Variants in NRG1 observed in about 807,000 individuals in gnomAD.
NRG1 encodes pro-neuregulin-1, membrane-bound isoform.
Under a neutral mutation model 63.8 loss-of-function variants are expected in NRG1, and 18 were observed. That is an observed-to-expected ratio of 0.28 (90% CI 0.19 to 0.42). The LOEUF (loss-of-function observed/expected upper bound fraction) is 0.42. NRG1 is among the 10% of genes least tolerant of loss of function. The pLI is 1.00. For missense variants in NRG1, 762 were observed against 814.7 expected (o/e 0.94, Z 0.79); for synonymous variants, 302 against 301.3 (o/e 1.00, Z -0.02).
chr8:32,692,108 G>A (rs1811891741), intron 5 of NRG1, among the ~76,000 whole-genome samples: 1 of 152,130 alleles, frequency 6.6e-6, no homozygotes, highest in South Asian at 2.1e-4. Flanking sequence ...TATGCATAAT[G>A]ACTTGAAGTA....
intron 1 of NRG1, among the ~76,000 whole-genome samples, chr8:32,036,677 G>T (rs1819119865): frequency 6.6e-6 from 1 of 152,104 alleles, no homozygotes; most frequent in South Asian, 2.1e-4. Context: ...ATTTCGGCAA[G>T]ATAGTCTTCA....
intron 1 of NRG1, among the ~76,000 whole-genome samples, chr8:32,042,549 G>A (rs1047920616): frequency 6.6e-6 from 1 of 152,052 alleles, no homozygotes; most frequent in African/African-American, 2.4e-5. Flanking sequence ...ATTTCAACTT[G>A]CATGGGAAAT....
chr8:32,496,457 G>T (rs984932922), intron 1 of NRG1, among the ~76,000 whole-genome samples: 1 of 152,098 alleles, frequency 6.6e-6, no homozygotes, highest in Non-Finnish European at 1.5e-5. Context: ...GGGCATGGCG[G>T]TGCGTGCCTG....
intron 1 of NRG1, among the ~76,000 whole-genome samples, chr8:32,572,301 G>A (rs2466099): frequency 0.95 from 144,501 of 152,284 alleles, 69,020 homozygotes; most frequent in East Asian, 1. Context: ...AATTTTATAA[G>A]CAATGTGAAT....
intron 1 of NRG1, among the ~76,000 whole-genome samples, chr8:32,272,988 CA>C (rs1457776852): frequency 1.3e-5 from 2 of 152,184 alleles, no homozygotes; most frequent in Middle Eastern, 3.4e-3. Flanking sequence ...TTTTGATTGA[CA>C]AAATAATGAA....
chr8:32,338,420 A>T (rs1188697142), intron 1 of NRG1, among the ~76,000 whole-genome samples: 1 of 152,158 alleles, frequency 6.6e-6, no homozygotes, highest in Non-Finnish European at 1.5e-5. Flanking sequence ...TCATACGATC[A>T]TAGGTATAAT....
chr8:32,761,086 G>T (rs1426547617), intron 11 of NRG1: 1 of 701,226 alleles, frequency 1.4e-6, no homozygotes, highest in Non-Finnish European at 1.8e-6. Flanking sequence ...GGGAGATTGG[G>T]TTGGGTTGGG....
chr8:32,092,992 G>A (rs1403749349), intron 1 of NRG1, among the ~76,000 whole-genome samples: 1 of 152,152 alleles, frequency 6.6e-6, no homozygotes, highest in Non-Finnish European at 1.5e-5. Flanking sequence ...TAACCATCAG[G>A]GCTGAGGACA....
intron 1 of NRG1, among the ~76,000 whole-genome samples, chr8:31,797,501 G>C (rs192884403): frequency 6.6e-6 from 1 of 152,154 alleles, no homozygotes; most frequent in Non-Finnish European, 1.5e-5. Context: ...AGCTCTTATA[G>C]CCTGTTGATG....
chr8:32,481,357 T>TAAATAAATAAAC (rs5890653), intron 1 of NRG1, among the ~76,000 whole-genome samples: 5 of 151,152 alleles, frequency 3.3e-5, no homozygotes, highest in Admixed American at 1.3e-4. Flanking sequence ...AATAAATAAA[T>TAAATAAATAAAC]AAACAAACAA....
intron 1 of NRG1, among the ~76,000 whole-genome samples, chr8:32,414,209 G>C (rs1196878164): frequency 6.6e-6 from 1 of 152,072 alleles, no homozygotes; most frequent in East Asian, 1.9e-4. Context: ...TGAAGTATTG[G>C]CATTGCTGGC....
In NRG1 at chr8:31,824,294, G is replaced by A. The variant is rs995502760; in HGVS notation, c.37+184863G>A. Among the ~76,000 whole-genome samples, 4 of 151,160 alleles carry A rather than the reference G, an allele frequency of 2.6e-5. No homozygotes were observed. The East Asian group carries it at 7.9e-4, about 30-fold the overall frequency. On this transcript the variant is annotated intron_variant, in intron 1 of 10. Transcript: ENST00000519301. ...GCAGTGTTTGGTTTTTTGTCCTTGC[G>A]ATAGTTTGCTGAGAATGATGGTTTC...
intron 1 of NRG1, among the ~76,000 whole-genome samples, chr8:32,558,918 A>G (rs1208184925): frequency 1.3e-5 from 2 of 151,838 alleles, no homozygotes; most frequent in Non-Finnish European, 2.9e-5. Context: ...ATCTCTACTA[A>G]AAATCCAAAA....
intron 1 of NRG1, among the ~76,000 whole-genome samples, chr8:31,661,671 CAA>C (rs1258574692): frequency 6.6e-6 from 1 of 152,144 alleles, no homozygotes; most frequent in East Asian, 1.9e-4. Context: ...TGACTTTACA[CAA>C]AGTTATTAAT....
At chr8:32,186,665 A>C (rs1341712993) in intron 1 of NRG1, among the ~76,000 whole-genome samples, 7 of 152,162 alleles carry the variant, frequency 4.6e-5, no homozygotes, top group African/African-American at 1.7e-4. Context: ...GCAGAATCTC[A>C]GGCCCTACCT....
At chr8:31,767,177 A>C (rs1818153987) in intron 1 of NRG1, among the ~76,000 whole-genome samples, 1 of 152,172 alleles carries the variant, frequency 6.6e-6, no homozygotes, top group Non-Finnish European at 1.5e-5. Flanking sequence ...TATTACATTA[A>C]AGCCCCATTA....
intron 1 of NRG1, among the ~76,000 whole-genome samples, chr8:32,241,492 A>G (rs1356376969): frequency 6.6e-6 from 1 of 152,190 alleles, no homozygotes; most frequent in African/African-American, 2.4e-5. Context: ...TGTAGAAAGT[A>G]TTATCCCAGA....
intron 5 of NRG1, among the ~76,000 whole-genome samples, chr8:32,683,193 C>T (rs1395485551): frequency 2.0e-5 from 3 of 152,158 alleles, no homozygotes; most frequent in Admixed American, 2.0e-4. Flanking sequence ...CAGAAGCCAA[C>T]AGAGTCAATT....
At chr8:31,873,280 G>T (rs1412179049) in intron 1 of NRG1, among the ~76,000 whole-genome samples, 1 of 152,146 alleles carries the variant, frequency 6.6e-6, no homozygotes, top group Non-Finnish European at 1.5e-5. Flanking sequence ...ACAAGGAGAG[G>T]CTGGGCACGA....
Sources: gnomAD v4.1 joint callset for allele counts (sites outside exome capture counted in the v4.1 genomes callset) on GRCh38, gnomAD v4.1.1 for gene constraint, MANE v1.5 for transcripts, NCBI Gene and HGNC (gene_info 2026-07-23, HGNC 2026-07-21) for gene names.